Variants in MYOF observed in about 807,000 individuals in gnomAD.
The protein encoded by MYOF is myoferlin.
MYOF carries 244 observed loss-of-function variants against 284.2 expected under a neutral mutation model. That is an observed-to-expected ratio of 0.86 (90% CI 0.77 to 0.95). The LOEUF (loss-of-function observed/expected upper bound fraction) is 0.95, where lower values mean the gene tolerates loss of function less well. Ranked by LOEUF, MYOF falls within the 40% of genes least tolerant of loss-of-function variation. The probability of loss-of-function intolerance (pLI) is 0.00; values close to 1 mark genes in which losing one functional copy is unlikely to be tolerated. For missense variants in MYOF, 2,496 were observed against 2,560.6 expected (o/e 0.97, Z 0.54); for synonymous variants, 904 against 919.7 (o/e 0.98, Z 0.31).
intron 1 of MYOF, among the ~76,000 whole-genome samples, chr10:93,467,710 A>T (rs985467841): frequency 1.5e-4 from 23 of 152,224 alleles, no homozygotes; most frequent in Admixed American, 1.4e-3. Context: ...AATGGCAAAG[A>T]CTTGGAACCA....
At chr10:93,375,004 A>G (rs1377060939) in intron 22 of MYOF, 49 bp from the exon 23 acceptor site, 1 of 1,554,476 alleles carries the variant, frequency 6.4e-7, no homozygotes, top group Non-Finnish European at 8.7e-7. Context: ...GAATAACCTA[A>G]TTTTAGGCTT....
At chr10:93,467,879 C>A (rs1234666457) in intron 1 of MYOF, among the ~76,000 whole-genome samples, 2 of 152,184 alleles carry the variant, frequency 1.3e-5, no homozygotes, top group Non-Finnish European at 2.9e-5. Context: ...CTCTTAACTG[C>A]CACTGCAGGC....
chr10:93,386,196 C>T (rs1260799996), intron 19 of MYOF, among the ~76,000 whole-genome samples: 1 of 152,210 alleles, frequency 6.6e-6, no homozygotes, highest in Non-Finnish European at 1.5e-5. Flanking sequence ...TGTGTCTCCA[C>T]GGAGGCCTCC....
chr10:93,347,227 T>C (rs993896696), intron 37 of MYOF, among the ~76,000 whole-genome samples: 2 of 152,030 alleles, frequency 1.3e-5, no homozygotes, highest in Non-Finnish European at 2.9e-5. Flanking sequence ...CTTGAGTAGG[T>C]TTGTAAAGAG....
intron 21 of MYOF, among the ~76,000 whole-genome samples, chr10:93,378,725 T>G (rs7908771): frequency 1.7e-5 from 1 of 59,808 alleles, no homozygotes; most frequent in African/African-American, 6.1e-5. Context: ...ATGTATATAT[T>G]TATCTTTTTA....
At chr10:93,321,967 C>T (rs575925542) in intron 48 of MYOF, among the ~76,000 whole-genome samples, 105 of 149,948 alleles carry the variant, frequency 7.0e-4, no homozygotes, top group African/African-American at 2.0e-3. Context: ...GTTTTCTCTC[C>T]GTTCAGAATT....
chr10:93,443,490 G>C (rs376628130), intron 3 of MYOF, among the ~76,000 whole-genome samples: 2 of 151,726 alleles, frequency 1.3e-5, no homozygotes, highest in African/African-American at 4.8e-5. Context: ...GTGTGTGTGT[G>C]TGTGTGTGTG....
At chr10:93,340,998 C>T (rs1038609434) in intron 38 of MYOF, among the ~76,000 whole-genome samples, 1 of 152,134 alleles carries the variant, frequency 6.6e-6, no homozygotes, top group African/African-American at 2.4e-5. Flanking sequence ...GAGCTGCTTC[C>T]GTAGGTGCCC....
At chr10:93,352,641 C>G (rs1365045124) in intron 32 of MYOF, among the ~76,000 whole-genome samples, 4 of 152,224 alleles carry the variant, frequency 2.6e-5, no homozygotes, top group Non-Finnish European at 5.9e-5. Flanking sequence ...AACACAATAT[C>G]TAGCCTGAAA....
intron 39 of MYOF, chr10:93,338,330 C>A (rs1843710397): frequency 8.7e-6 from 4 of 457,630 alleles, no homozygotes; most frequent in Admixed American, 2.3e-5. Flanking sequence ...CCTTGTAATA[C>A]AATACTCACT....
chr10:93,338,806 G>A (rs1843733701), intron 39 of MYOF, among the ~76,000 whole-genome samples: 1 of 152,048 alleles, frequency 6.6e-6, no homozygotes, highest in Non-Finnish European at 1.5e-5. Flanking sequence ...CAGCATGTCA[G>A]AGTCACTTGT....
rs1033403181 is a variant in MYOF at position 93,317,747 on chromosome 10, A to C, written c.5599-934T>G. 5.3e-5 allele frequency among the ~76,000 whole-genome samples: 8 copies of C among 152,324 alleles called. No individual in the cohort carries two copies. In the South Asian group the frequency reaches 1.4e-3, roughly 28 times the overall value. On this transcript the variant is annotated intron_variant, in intron 49 of 53. Transcript: ENST00000359263. ...AGGAAGACTAGGTAAGTGTCCTTCA[A>C]GTTCTTGCCTCCATTGCCTCAGACA...
chr10:93,337,986 G>C (rs1388770001), intron 39 of MYOF, 73 bp from the exon 40 acceptor site: 1 of 1,100,182 alleles, frequency 9.1e-7, no homozygotes, highest in Admixed American at 1.8e-5. Flanking sequence ...AAATGCATTT[G>C]TAATAGTTAA....
chr10:93,468,739 G>A (rs1470833162), intron 1 of MYOF, among the ~76,000 whole-genome samples: 3 of 152,150 alleles, frequency 2.0e-5, no homozygotes, highest in Non-Finnish European at 4.4e-5. Flanking sequence ...TCCTTCCTAT[G>A]CTGTGCATGG....
intron 37 of MYOF, 102 bp from the exon 38 acceptor site, chr10:93,344,034 G>T (rs11187390): frequency 1.6e-6 from 2 of 1,236,794 alleles, no homozygotes; most frequent in Non-Finnish European, 2.3e-6. Flanking sequence ...GGATGGTAGA[G>T]TTTATTCTTG....
chr10:93,441,149 C>T (rs1454013039), intron 3 of MYOF, among the ~76,000 whole-genome samples: 1 of 152,192 alleles, frequency 6.6e-6, no homozygotes, highest in Non-Finnish European at 1.5e-5. Flanking sequence ...CACCAACCAA[C>T]CCCAGGAGAA....
intron 38 of MYOF, 133 bp downstream of exon 38, chr10:93,343,723 A>T (rs1589419107): frequency 1.2e-6 from 1 of 862,252 alleles, no homozygotes; most frequent in Non-Finnish European, 1.9e-6. Flanking sequence ...GTCTGTACTC[A>T]GTCCTCAATA....
Position 93,404,015 on chromosome 10 carries a change from T to A in MYOF, c.843+8A>T. On this transcript the variant is annotated splice_region_variant and intron_variant, in intron 9 of 53. Transcript: ENST00000359263. The stretch of plus-strand genomic sequence containing the variant: ...GTAAGTTGAATGAAGCAGACTGTTG[T>A]CACTCACCTTAAATTCCCCCATCAG... 1 of 1,613,506 alleles carries A rather than the reference T, an allele frequency of 6.2e-7. No homozygotes were observed. Among genetic ancestry groups the A allele is most frequent in the Non-Finnish European group, 8.5e-7 (1 of 1,179,414 alleles).
chr10:93,462,916 C>A (rs558574761), intron 1 of MYOF, among the ~76,000 whole-genome samples: 1 of 152,254 alleles, frequency 6.6e-6, no homozygotes, highest in South Asian at 2.1e-4. Flanking sequence ...TACCTACCCC[C>A]CAACCTGGCT....
Sources: allele counts gnomAD v4.1 joint callset (sites outside exome capture counted in the v4.1 genomes callset), GRCh38; gene constraint gnomAD v4.1.1; transcripts MANE v1.5; gene names NCBI Gene and HGNC (gene_info 2026-07-23, HGNC 2026-07-21).